The following LNPEP variants were observed in gnomAD, a reference collection of about 807,000 sequenced individuals.
LNPEP encodes leucyl-cystinyl aminopeptidase.
Under a neutral mutation model 120.6 loss-of-function variants are expected in LNPEP, and 64 were observed. The observed-to-expected ratio is 0.53, with a 90% CI of 0.43 to 0.65. LNPEP has a LOEUF of 0.65. LNPEP is among the 30% of genes least tolerant of loss of function. The pLI is 0.00. For synonymous variants in LNPEP, 435 were observed against 425.4 expected (o/e 1.02, Z -0.28); for missense variants, 1,057 against 1,200.0 (o/e 0.88, Z 1.76).
intron 13 of LNPEP, among the ~76,000 whole-genome samples, chr5:97,017,203 T>TGAC (rs1791087500): frequency 6.6e-6 from 1 of 152,176 alleles, no homozygotes; most frequent in Non-Finnish European, 1.5e-5. Context: ...ACTGCAATTT[T>TGAC]GACTTGAATT....
chr5:97,015,144 T>A, intron 13 of LNPEP, 49 bp downstream of exon 13: 1 of 1,326,152 alleles, frequency 7.5e-7, no homozygotes, highest in Non-Finnish European at 1.0e-6. Context: ...TTAATATTGT[T>A]ATTCATGGTT....
intron 1 of LNPEP, among the ~76,000 whole-genome samples, chr5:96,944,178 C>A (rs1789125612): frequency 6.6e-6 from 1 of 152,210 alleles, no homozygotes; most frequent in Admixed American, 6.5e-5. Context: ...TTTCTCACAG[C>A]TGAAACTGTT....
chr5:96,984,145 C>T lies in LNPEP; in HGVS notation c.861-935C>T, dbSNP rs557835487. Among the ~76,000 whole-genome samples, 12 of 152,202 alleles carry T rather than the reference C, an allele frequency of 7.9e-5. No individual in the cohort carries two copies. In the South Asian group the frequency reaches 1.2e-3, roughly 16 times the overall value. Reference sequence around the variant, plus strand: ...GCTGCTATTTTTTGCTGCCCCAAAACGAGATGCAGATGAACTGGGAAGAGA... The same window carrying T: ...GCTGCTATTTTTTGCTGCCCCAAAATGAGATGCAGATGAACTGGGAAGAGA... On this transcript the variant is annotated intron_variant, in intron 2 of 17. Transcript: ENST00000231368.
rs1245526139 is a variant in LNPEP at position 97,026,564 on chromosome 5, A to G, written c.2724-53A>G. 4.1e-6 allele frequency: 6 copies of G among 1,456,762 alleles called. No individual in the cohort carries two copies. In the East Asian group the frequency reaches 9.1e-5, roughly 22 times the overall value. 90.2% of individuals were successfully genotyped at this position (1,456,762 alleles called of 1,614,324 possible). Reference sequence around the variant, plus strand: ...TACTAATTTTAATTTAAGTTCAGTCATCACTTCTTCATGAATAATAATTTT... The same window carrying G: ...TACTAATTTTAATTTAAGTTCAGTCGTCACTTCTTCATGAATAATAATTTT... On this transcript the variant is annotated intron_variant, in intron 15 of 17. Coordinates refer to ENST00000231368, the MANE Select transcript of LNPEP (RefSeq NM_005575.3).
chr5:96,947,725 A>C (rs886839373), intron 1 of LNPEP, among the ~76,000 whole-genome samples: 1 of 152,188 alleles, frequency 6.6e-6, no homozygotes, highest in Non-Finnish European at 1.5e-5. Flanking sequence ...CATTATTATA[A>C]ATATTTTATA....
Position 97,026,603 on chromosome 5 carries a change from G to C in LNPEP, c.2724-14G>C. The stretch of plus-strand genomic sequence containing the variant: ...AATAATAATTTTGGAGGCTAAATCT[G>C]CTTTGCTCTTCAGGTTAATGAAAAG... On this transcript the variant is annotated splice_polypyrimidine_tract_variant and intron_variant, in intron 15 of 17. Coordinates refer to ENST00000231368, the MANE Select transcript of LNPEP (RefSeq NM_005575.3). 1 of 1,605,910 alleles carries C rather than the reference G, an allele frequency of 6.2e-7. No homozygotes were observed. The highest frequency in any genetic ancestry group is 8.5e-7 in the Non-Finnish European group (1 of 1,174,518).
rs1791470161 is a variant in LNPEP, at chr5:97,031,566, A to G, written c.*3033A>G. On this transcript the variant is annotated 3_prime_UTR_variant, in exon 18 of 18. Coordinates refer to ENST00000231368, the MANE Select transcript of LNPEP (RefSeq NM_005575.3). ...CTGCATCAGTATTATAGGATACCAA[A>G]CAGAATCCTTTCTATTAGGAAATAA... is the stretch of plus-strand genomic sequence containing the variant. 6.6e-6 allele frequency: 1 copy of G among 152,210 alleles called. No individual in the cohort carries two copies. The highest frequency in any genetic ancestry group is 2.1e-4 in the South Asian group (1 of 4,832). 9.4% of individuals were successfully genotyped at this position (152,210 alleles called of 1,614,324 possible).
At position 96,936,307 on chromosome 5, in the gene LNPEP, C is replaced by G. The variant is rs1187446519; in HGVS notation, c.19+133C>G. 6 of 568,886 alleles carry G rather than the reference C, an allele frequency of 1.1e-5. 1 individual carries two copies. The East Asian group carries it at 1.1e-4, about 11-fold the overall frequency. 35.2% of individuals were successfully genotyped at this position (568,886 alleles called of 1,614,324 possible). ...GGCTTCCCACGAGGGCTGAGGGAGG[C>G]AGGGAGAGGGGATCTGGGGGAGGCA... On this transcript the variant is annotated intron_variant, in intron 1 of 17. Transcript: ENST00000231368.
intron 11 of LNPEP, among the ~76,000 whole-genome samples, chr5:97,009,403 C>G (rs189558437): frequency 4.6e-5 from 7 of 152,150 alleles, no homozygotes; most frequent in Non-Finnish European, 1.0e-4. Flanking sequence ...ATATGAATCA[C>G]TGTAAATCAC....
At chr5:96,988,967 A>C (rs1790308162) in intron 4 of LNPEP, among the ~76,000 whole-genome samples, 1 of 152,022 alleles carries the variant, frequency 6.6e-6, no homozygotes, top group African/African-American at 2.4e-5. Flanking sequence ...AGGCAAGCTG[A>C]ATTATTCATT....
At chr5:97,002,507 A>G (rs988137901) in intron 8 of LNPEP, among the ~76,000 whole-genome samples, 4 of 152,210 alleles carry the variant, frequency 2.6e-5, no homozygotes, top group African/African-American at 4.8e-5. Flanking sequence ...TGATACAGAA[A>G]TGAGAGTAAT....
intron 1 of LNPEP, among the ~76,000 whole-genome samples, chr5:96,966,050 T>G (rs927832017): frequency 6.6e-6 from 1 of 152,142 alleles, no homozygotes; most frequent in Admixed American, 6.6e-5. Flanking sequence ...TTCTCCTGGA[T>G]AGATATTTAA....
At chr5:96,989,356 TATTATATATA>T (rs566674974) in intron 4 of LNPEP, among the ~76,000 whole-genome samples, 502 of 26,452 alleles carry the variant, frequency 0.019, 7 homozygotes, top group African/African-American at 0.063. Flanking sequence ...ATATATTATA[TATTATATATA>T]ATTATATATT....
chr5:96,965,438 G>T (rs10071975), intron 1 of LNPEP, among the ~76,000 whole-genome samples: 1 of 151,690 alleles, frequency 6.6e-6, no homozygotes, highest in Non-Finnish European at 1.5e-5. Flanking sequence ...TTTTTCTTGC[G>T]CATACCTAAT....
chr5:97,003,655 A>G lies in LNPEP; in HGVS notation c.1785+109A>G, dbSNP rs74574723. The stretch of plus-strand genomic sequence containing the variant: ...TTAATCTGTGGTACAAAGCATAGTT[A>G]TTTAAGAAAGGGGGGGATGGAGCTT... On this transcript the variant is annotated intron_variant, in intron 9 of 17. Transcript: ENST00000231368. 3 of 676,130 alleles carry G rather than the reference A, an allele frequency of 4.4e-6. No individual in the cohort carries two copies. The East Asian group carries it at 9.0e-5, about 20-fold the overall frequency. The allele number at this position is 676,130 out of a possible 1,614,324, so 41.9% of individuals were successfully genotyped here. A position where few individuals can be genotyped will look rare whatever the true frequency, so the allele number is the denominator to read the frequency against.
At chr5:96,992,963 A>T in intron 4 of LNPEP, 52 bp from the exon 5 acceptor site, 1 of 1,385,098 alleles carries the variant, frequency 7.2e-7, no homozygotes, top group Admixed American at 2.4e-5. Flanking sequence ...CTTGAGTATC[A>T]TGCCATTTTA....
chr5:96,948,892 G>A (rs905994093), intron 1 of LNPEP, among the ~76,000 whole-genome samples: 2 of 152,122 alleles, frequency 1.3e-5, no homozygotes, highest in Admixed American at 1.3e-4. Flanking sequence ...GAAAAGTTCA[G>A]ACAGCCATAT....
intron 1 of LNPEP, among the ~76,000 whole-genome samples, chr5:96,956,974 A>T (rs1290460798): frequency 6.6e-6 from 1 of 152,112 alleles, no homozygotes; most frequent in East Asian, 1.9e-4. Flanking sequence ...CTGTTTAAAA[A>T]TTTTATTTTG....
intron 1 of LNPEP, among the ~76,000 whole-genome samples, chr5:96,944,513 T>C (rs539142791): frequency 3.3e-5 from 5 of 151,618 alleles, no homozygotes; most frequent in Admixed American, 2.6e-4. Context: ...TCTATTCCAG[T>C]TCATAGGTGG....
Sources: gnomAD v4.1 joint callset for allele counts (sites outside exome capture counted in the v4.1 genomes callset) on GRCh38, gnomAD v4.1.1 for gene constraint, MANE v1.5 for transcripts, NCBI Gene and HGNC (gene_info 2026-07-23, HGNC 2026-07-21) for gene names.